ABCG8: variants seen among roughly 807,000 people sequenced by gnomAD.
The protein encoded by ABCG8 is ATP binding cassette subfamily G member 8.
In ABCG8, 81 loss-of-function variants were observed where a neutral mutation model predicts 71.3. The ratio of observed to expected loss-of-function variants is 1.14; its 90% CI spans 0.95 to 1.37. The LOEUF is 1.37. Among genes scored for constraint, ABCG8 ranks in the 40% most tolerant of loss-of-function variants. The pLI, the probability that ABCG8 is intolerant of heterozygous loss-of-function variation, is 0.00. For missense variants in ABCG8, 1,119 were observed against 866.2 expected, an observed-to-expected ratio of 1.29 and a Z score of -3.66; for synonymous variants, 451 against 354.7, an observed-to-expected ratio of 1.27 and a Z score of -3.05.
At chr2:43,865,183 G>A (rs1168742075) in intron 6 of ABCG8, among the ~76,000 whole-genome samples, 1 of 151,130 alleles carries the variant, frequency 6.6e-6, no homozygotes, top group African/African-American at 2.4e-5. Context: ...TCAACATCTG[G>A]ATAGAGCTCT....
chr2:43,874,586 G>A (rs1324226211), intron 10 of ABCG8, 103 bp downstream of exon 10: 12 of 947,426 alleles, frequency 1.3e-5, no homozygotes, highest in Middle Eastern at 2.3e-4. Flanking sequence ...CCATGGGGCC[G>A]TGGGTCATGT....
At chr2:43,839,403 C>CTTTTTTTTTTTTTTTT (rs537784677) in intron 1 of ABCG8, among the ~76,000 whole-genome samples, 1 of 59,310 alleles carries the variant, frequency 1.7e-5, no homozygotes, top group Non-Finnish European at 3.2e-5. Flanking sequence ...CTTTTCTTCT[C>CTTTTTTTTTTTTTTTT]TTTTTTTTTT....
intron 9 of ABCG8, 30 bp downstream of exon 9, chr2:43,874,016 A>G (rs1280890942): frequency 1.2e-6 from 2 of 1,611,602 alleles, no homozygotes; most frequent in Admixed American, 3.3e-5. Context: ...ATGGGCAGGC[A>G]GGACCTCAGC....
intron 9 of ABCG8, 33 bp from the exon 10 acceptor site, chr2:43,874,374 C>T (rs754602936): frequency 6.7e-7 from 1 of 1,486,988 alleles, no homozygotes; most frequent in South Asian, 1.1e-5. Flanking sequence ...TATTCTACTT[C>T]TTCATTCTCT....
chr2:43,860,989 TCCGG>T (rs1669297647), intron 6 of ABCG8, among the ~76,000 whole-genome samples: 1 of 151,268 alleles, frequency 6.6e-6, no homozygotes, highest in African/African-American at 2.4e-5. Flanking sequence ...ACTCTCACTA[TCCGG>T]ATAGAATTCT....
At chr2:43,843,355 T>C (rs1668640974) in intron 1 of ABCG8, among the ~76,000 whole-genome samples, 1 of 152,194 alleles carries the variant, frequency 6.6e-6, no homozygotes, top group Admixed American at 6.5e-5. Context: ...GAAAGTGTAC[T>C]TGTTCCTGCC....
At chr2:43,855,464 C>G (rs141361162) in intron 6 of ABCG8, among the ~76,000 whole-genome samples, 2 of 149,676 alleles carry the variant, frequency 1.3e-5, no homozygotes, top group South Asian at 2.1e-4. Context: ...GACTGTCACT[C>G]TCTGGATAGA....
At chr2:43,873,471 C>G (rs113146575) in intron 8 of ABCG8, among the ~76,000 whole-genome samples, 1 of 152,130 alleles carries the variant, frequency 6.6e-6, no homozygotes, top group Non-Finnish European at 1.5e-5. Flanking sequence ...GGATTACAAG[C>G]GTGAGCCACC....
intron 11 of ABCG8, among the ~76,000 whole-genome samples, chr2:43,876,994 T>C (rs1212713522): frequency 1.4e-5 from 2 of 146,706 alleles, no homozygotes; most frequent in Non-Finnish European, 3.0e-5. Flanking sequence ...CATGAGAATA[T>C]AGGGAGACCA....
chr2:43,853,028 A>G (rs1238730788), intron 6 of ABCG8, among the ~76,000 whole-genome samples, 160 bp downstream of exon 6: 1 of 152,166 alleles, frequency 6.6e-6, no homozygotes, highest in East Asian at 1.9e-4. Flanking sequence ...TTTGCCAGGT[A>G]TCAAATGCTA....
In ABCG8 at chr2:43,881,261, ATTTG is replaced by A. The variant is rs1558870604; in HGVS notation, c.*3350_*3353del. 6.6e-6 allele frequency: 1 copy of A among 152,152 alleles called. No individual in the cohort carries two copies. Among genetic ancestry groups the A allele is most frequent in the African/African-American group, 2.4e-5 (1 of 41,422 alleles). 9.4% of individuals were successfully genotyped at this position (152,152 alleles called of 1,614,324 possible). A position where few individuals can be genotyped will look rare whatever the true frequency, so the allele number is the denominator to read the frequency against. Reference sequence around the variant, plus strand: ...GGAGAAAATATAGCAGCTGCCATTTATTTGTGTTTTTCCTACAGCGGTGGTTCTC... The same window carrying A: ...GGAGAAAATATAGCAGCTGCCATTTATGTTTTTCCTACAGCGGTGGTTCTC... On this transcript the variant is annotated 3_prime_UTR_variant, in exon 13 of 13. Transcript: ENST00000272286.
intron 6 of ABCG8, among the ~76,000 whole-genome samples, chr2:43,864,073 G>C (rs768594173): frequency 4.0e-5 from 6 of 151,174 alleles, no homozygotes; most frequent in Non-Finnish European, 8.9e-5. Flanking sequence ...TGTCTGGATA[G>C]AATTCTCACT....
At chr2:43,861,233 T>C (rs1348861573) in intron 6 of ABCG8, among the ~76,000 whole-genome samples, 1 of 151,246 alleles carries the variant, frequency 6.6e-6, no homozygotes, top group Admixed American at 6.6e-5. Context: ...TGGATAAACA[T>C]CTCACTATCT....
At chr2:43,869,516 C>T (rs1332844418) in intron 6 of ABCG8, among the ~76,000 whole-genome samples, 1 of 150,170 alleles carries the variant, frequency 6.7e-6, no homozygotes, top group Non-Finnish European at 1.5e-5. Context: ...GAATTCTCAC[C>T]ATCTGGATAA....
At chr2:43,877,744 C>G (rs765597955) in intron 12 of ABCG8, 32 bp from the exon 13 acceptor site, 1 of 1,614,012 alleles carries the variant, frequency 6.2e-7, no homozygotes, top group East Asian at 2.2e-5. Context: ...TTCCATCCTC[C>G]TCATGAGCCC....
At chr2:43,841,616 T>G (rs1210448122) in intron 1 of ABCG8, among the ~76,000 whole-genome samples, 1 of 152,180 alleles carries the variant, frequency 6.6e-6, no homozygotes, top group Non-Finnish European at 1.5e-5. Context: ...CAATGGTGGT[T>G]GGAGTCAGGG....
At chr2:43,860,626 CCTATCTGGATAGAACTCTCG>C (rs1404374332) in intron 6 of ABCG8, among the ~76,000 whole-genome samples, 3 of 148,784 alleles carry the variant, frequency 2.0e-5, no homozygotes, top group African/African-American at 7.4e-5. Flanking sequence ...ACTCTCACTA[CCTATCTGGATAGAACTCTCG>C]CTATCTGGAT....
chr2:43,859,449 A>G (rs1669227156), intron 6 of ABCG8, among the ~76,000 whole-genome samples: 1 of 151,462 alleles, frequency 6.6e-6, no homozygotes. Flanking sequence ...CTATCTGGAT[A>G]GAGCTCTTAC....
chr2:43,846,990 G>GCGCA (rs1198377759), intron 3 of ABCG8: 3,062 of 110,910 alleles, frequency 0.028, 38 homozygotes, highest in South Asian at 0.066. Context: ...ACGCGCGCGT[G>GCGCA]CACACACACA....
Sources: gnomAD v4.1 joint callset for allele counts (sites outside exome capture counted in the v4.1 genomes callset) on GRCh38, gnomAD v4.1.1 for gene constraint, MANE v1.5 for transcripts, NCBI Gene and HGNC (gene_info 2026-07-23, HGNC 2026-07-21) for gene names.